PARD3B: variants seen among roughly 807,000 people sequenced by gnomAD.
The protein encoded by PARD3B is partitioning defective 3 homolog B.
In PARD3B, 103 loss-of-function variants were observed where a neutral mutation model predicts 130.2. That is an observed-to-expected ratio of 0.79 (90% CI 0.67 to 0.93). The LOEUF is 0.93. PARD3B is among the 40% of genes least tolerant of loss of function. The pLI is 0.00. For missense variants in PARD3B, 1,609 were observed against 1,499.2 expected, an observed-to-expected ratio of 1.07 and a Z score of -1.21; for synonymous variants, 583 against 553.2, an observed-to-expected ratio of 1.05 and a Z score of -0.76.
At chr2:204,604,819 A>G (rs1452527279) in intron 1 of PARD3B, among the ~76,000 whole-genome samples, 1 of 152,118 alleles carries the variant, frequency 6.6e-6, no homozygotes, top group Non-Finnish European at 1.5e-5. Flanking sequence ...TTATTTTATG[A>G]TATCTCTTGG....
At chr2:205,542,455 CAGA>C (rs895643291) in intron 21 of PARD3B, among the ~76,000 whole-genome samples, 1 of 151,718 alleles carries the variant, frequency 6.6e-6, no homozygotes, top group Non-Finnish European at 1.5e-5. Flanking sequence ...CATCAGTTTT[CAGA>C]AGGTTATCCC....
chr2:204,922,499 C>T lies in PARD3B; in HGVS notation c.223-42653C>T, dbSNP rs151168100. On this transcript the variant is annotated intron_variant, in intron 2 of 22. Transcript: ENST00000406610. The stretch of plus-strand genomic sequence containing the variant: ...TATTTATACAGTGTTTAACAAGTTC[C>T]AGGCAGGTTCAGGGGAGTAGTAGAA... Among the ~76,000 whole-genome samples, 579 of 151,850 alleles carry T rather than the reference C, an allele frequency of 3.8e-3. 3 individuals are homozygous for T. Among genetic ancestry groups the T allele is most frequent in the African/African-American group, 0.013 (519 of 41,432 alleles).
At position 205,325,869 on chromosome 2, in the gene PARD3B, A is replaced by G. The variant is rs1290523587; in HGVS notation, c.2630+24168A>G. Among the ~76,000 whole-genome samples, 1 of 152,214 alleles carries G rather than the reference A, an allele frequency of 6.6e-6. No homozygotes were observed. The highest frequency in any genetic ancestry group is 2.4e-5 in the African/African-American group (1 of 41,448). On this transcript the variant is annotated intron_variant, in intron 18 of 22. Transcript: ENST00000406610. The surrounding 1 kb of genome is among the most constrained non-coding windows in gnomAD (Gnocchi z 4.1). ...ATAGAAGGAACAAAATTGAAAAACA[A>G]ATAAAAATAAATAAAACAATTGTGA... is the stretch of plus-strand genomic sequence containing the variant.
rs373006696 is a variant in PARD3B, at chr2:205,246,184, G to A, written c.2185+362G>A. On this transcript the variant is annotated intron_variant, in intron 16 of 22. Transcript: ENST00000406610. Reference sequence around the variant, plus strand: ...TTAAGTGGCGGGACAGAGAATTCCAGAATAAGAAAGATACGATCATTTTTT... The same window carrying A: ...TTAAGTGGCGGGACAGAGAATTCCAAAATAAGAAAGATACGATCATTTTTT... Among the ~76,000 whole-genome samples the A allele has an allele frequency of 1.9e-4, 29 of 150,866 alleles. No individual in the cohort carries two copies. In the East Asian group the frequency reaches 5.6e-3, roughly 29 times the overall value.
chr2:204,633,501 G>A (rs1221993031), intron 1 of PARD3B, among the ~76,000 whole-genome samples: 1 of 152,074 alleles, frequency 6.6e-6, no homozygotes, highest in South Asian at 2.1e-4. Flanking sequence ...AAATTTCACC[G>A]ATTGCCTCTT....
chr2:205,017,034 G>A (rs999061423), intron 3 of PARD3B, among the ~76,000 whole-genome samples: 1 of 152,128 alleles, frequency 6.6e-6, no homozygotes, highest in Non-Finnish European at 1.5e-5. Context: ...TTTGAGAAAG[G>A]TCTTTGAAAA....
At chr2:204,782,547 A>G (rs2041876412) in intron 2 of PARD3B, among the ~76,000 whole-genome samples, 1 of 150,460 alleles carries the variant, frequency 6.6e-6, no homozygotes, top group Admixed American at 6.7e-5. Context: ...ACATATATGT[A>G]ATATATATAA....
chr2:204,647,331 A>G (rs904968348), intron 1 of PARD3B, among the ~76,000 whole-genome samples: 5 of 151,516 alleles, frequency 3.3e-5, no homozygotes, highest in Non-Finnish European at 5.9e-5. Context: ...TATATTCTGC[A>G]TATCTGTCCT....
chr2:204,743,925 A>G (rs2040111604), intron 2 of PARD3B, among the ~76,000 whole-genome samples: 1 of 152,126 alleles, frequency 6.6e-6, no homozygotes, highest in South Asian at 2.1e-4. Context: ...GGTTGGTTCT[A>G]ATAACAACTA....
At chr2:205,406,328 G>A (rs1311675853) in intron 19 of PARD3B, among the ~76,000 whole-genome samples, 1 of 152,020 alleles carries the variant, frequency 6.6e-6, no homozygotes, top group Non-Finnish European at 1.5e-5. Context: ...TACTAATGGA[G>A]CATTATTTTA....
intron 22 of PARD3B, among the ~76,000 whole-genome samples, chr2:205,598,267 A>C (rs1013293748): frequency 6.6e-6 from 1 of 152,174 alleles, no homozygotes; most frequent in African/African-American, 2.4e-5. Context: ...AGGAATGGCG[A>C]AAGATGTATC....
chr2:205,330,920 T>C (rs1447359501), intron 18 of PARD3B, among the ~76,000 whole-genome samples: 1 of 152,162 alleles, frequency 6.6e-6, no homozygotes, highest in African/African-American at 2.4e-5. Flanking sequence ...TTGAGGGCCA[T>C]TCATGGGCAA....
chr2:205,393,153 T>C (rs1010344708), intron 18 of PARD3B, among the ~76,000 whole-genome samples: 3 of 152,206 alleles, frequency 2.0e-5, no homozygotes, highest in Admixed American at 6.5e-5. Context: ...CATCAGCATA[T>C]GCGTATGCTA....
chr2:204,927,158 T>A (rs187480228), intron 2 of PARD3B, among the ~76,000 whole-genome samples: 3 of 152,240 alleles, frequency 2.0e-5, no homozygotes, highest in Non-Finnish European at 4.4e-5. Context: ...ATACTGAAGA[T>A]GTAATAGGAC....
At chr2:204,896,175 A>G (rs2046633925) in intron 2 of PARD3B, among the ~76,000 whole-genome samples, 1 of 152,184 alleles carries the variant, frequency 6.6e-6, no homozygotes, top group African/African-American at 2.4e-5. Flanking sequence ...ATTATTATTC[A>G]TCACTCTACT....
At chr2:205,425,273 A>G (rs2047105321) in intron 19 of PARD3B, among the ~76,000 whole-genome samples, 1 of 152,222 alleles carries the variant, frequency 6.6e-6, no homozygotes, top group Non-Finnish European at 1.5e-5. Flanking sequence ...TTTACTAAGC[A>G]TTTCTGAGAA....
chr2:205,154,058 A>G (rs950113511), intron 10 of PARD3B, among the ~76,000 whole-genome samples: 12 of 152,236 alleles, frequency 7.9e-5, no homozygotes, highest in Non-Finnish European at 1.6e-4. Flanking sequence ...GATCTAATTA[A>G]ACTAAAGAGC....
intron 18 of PARD3B, among the ~76,000 whole-genome samples, chr2:205,314,634 A>C (rs1033279383): frequency 2.6e-5 from 4 of 152,230 alleles, no homozygotes; most frequent in Admixed American, 2.6e-4. Flanking sequence ...ACATTGAAAA[A>C]TAGATAGGAG....
At chr2:204,732,001 A>T (rs1241284913) in intron 2 of PARD3B, among the ~76,000 whole-genome samples, 1 of 151,950 alleles carries the variant, frequency 6.6e-6, no homozygotes, top group African/African-American at 2.4e-5. Context: ...TTCAGTCTTA[A>T]TTTGCAGTGA....
Sources: gnomAD v4.1 joint callset for allele counts (sites outside exome capture counted in the v4.1 genomes callset) on GRCh38, gnomAD v4.1.1 for gene constraint, Gnocchi (gnomAD v3.1) non-coding constraint, MANE v1.5 for transcripts, NCBI Gene and HGNC (gene_info 2026-07-23, HGNC 2026-07-21) for gene names.